Variants in PTPRN2 observed in about 807,000 individuals in gnomAD.
The protein encoded by PTPRN2 is protein tyrosine phosphatase receptor type N2.
A neutral mutation model predicts 118.8 loss-of-function variants in PTPRN2; 74 were observed. The observed-to-expected ratio is 0.62, with a 90% confidence interval of 0.52 to 0.76. The LOEUF is 0.76. Ranked by LOEUF, PTPRN2 falls within the 30% of genes least tolerant of loss-of-function variation. The probability of loss-of-function intolerance (pLI) is 0.00; values close to 1 mark genes in which losing one functional copy is unlikely to be tolerated. For missense variants in PTPRN2, 1,481 were observed against 1,394.4 expected, an observed-to-expected ratio of 1.06 and a Z score of -0.99; for synonymous variants, 641 against 608.0, an observed-to-expected ratio of 1.05 and a Z score of -0.80.
At chr7:158,191,011 G>A (rs544172846) in intron 5 of PTPRN2, among the ~76,000 whole-genome samples, 31 of 152,376 alleles carry the variant, frequency 2.0e-4, no homozygotes, top group Non-Finnish European at 3.7e-4. Context: ...TGCACAGAAC[G>A]TGCCACCTTG....
At chr7:158,068,465 C>G (rs1810958590) in intron 11 of PTPRN2, among the ~76,000 whole-genome samples, 1 of 152,166 alleles carries the variant, frequency 6.6e-6, no homozygotes, top group Admixed American at 6.5e-5. Context: ...CACTCGGCAC[C>G]ACCTTTGCAC....
Position 157,874,848 on chromosome 7 carries a change from T to TACACACGGAGACACACTCGTGCACATAC in PTPRN2, c.1788+23797_1788+23824dup, listed in dbSNP as rs1385642932. On this transcript the variant is annotated intron_variant, in intron 12 of 22. Transcript: ENST00000389418. The surrounding 1 kb of genome is among the most constrained non-coding windows in gnomAD (Gnocchi z 5.8). ...ACACAGAGACACACTCATGCACATA[T>TACACACGGAGACACACTCGTGCACATAC]ACACACGGAGACACACTCGTGCACA... Among the ~76,000 whole-genome samples, 3 of 142,254 alleles carry TACACACGGAGACACACTCGTGCACATAC rather than the reference T, an allele frequency of 2.1e-5. No homozygotes were observed. Among genetic ancestry groups the TACACACGGAGACACACTCGTGCACATAC allele is most frequent in the African/African-American group, 7.9e-5 (3 of 37,776 alleles). 93.3% of individuals were successfully genotyped at this position (142,254 alleles called of 152,430 possible).
chr7:158,092,286 A>G (rs1167667520), intron 10 of PTPRN2, among the ~76,000 whole-genome samples: 2 of 132,848 alleles, frequency 1.5e-5, no homozygotes, highest in East Asian at 2.5e-4. Context: ...GTGTGTGTGT[A>G]TATATATGTA....
At chr7:158,125,139 C>A (rs1044599888) in intron 9 of PTPRN2, among the ~76,000 whole-genome samples, 1 of 152,114 alleles carries the variant, frequency 6.6e-6, no homozygotes, top group African/African-American at 2.4e-5. Context: ...ACCATGGCCA[C>A]CCCCCTGCCT....
intron 2 of PTPRN2, among the ~76,000 whole-genome samples, chr7:158,386,705 T>A (rs1811413108): frequency 6.6e-6 from 1 of 152,210 alleles, no homozygotes; most frequent in South Asian, 2.1e-4. Context: ...CAAATGTAGA[T>A]GTACAACCTA....
rs189364786 is a variant in PTPRN2, at chr7:158,555,461, G to A, written c.112+32097C>T. On this transcript the variant is annotated intron_variant, in intron 1 of 22. Transcript: ENST00000389418. This position sits in a 1 kb window ranked among gnomAD's most constrained non-coding sequence, Gnocchi z 4.7. ...GAAACCTCCCAACACTGACGTCACC[G>A]GGGTGGGGCAGGAGCAGGAAGAGGC... Among the ~76,000 whole-genome samples, 1 of 152,168 alleles carries A rather than the reference G, an allele frequency of 6.6e-6. No individual in the cohort carries two copies. The highest frequency in any genetic ancestry group is 2.4e-5 in the African/African-American group (1 of 41,456).
At chr7:158,020,996 T>G (rs571011385) in intron 11 of PTPRN2, among the ~76,000 whole-genome samples, 1 of 152,274 alleles carries the variant, frequency 6.6e-6, no homozygotes, top group Non-Finnish European at 1.5e-5. Context: ...TTAAATTCCC[T>G]CTACCACCCT....
intron 11 of PTPRN2, among the ~76,000 whole-genome samples, chr7:157,940,407 C>G (rs545461138): frequency 6.6e-6 from 1 of 152,122 alleles, no homozygotes; most frequent in Non-Finnish European, 1.5e-5. Context: ...AATGAAGAAG[C>G]CTAGAAATTC....
At chr7:157,545,103 GGTGT>G (rs1232257607) in intron 22 of PTPRN2, among the ~76,000 whole-genome samples, 27 of 148,764 alleles carry the variant, frequency 1.8e-4, no homozygotes, top group African/African-American at 6.5e-4. Flanking sequence ...CCCGTGGGTG[GGTGT>G]GTAGGTGTGT....
At chr7:157,605,189 C>T (rs1018943643) in intron 15 of PTPRN2, among the ~76,000 whole-genome samples, 15 of 152,220 alleles carry the variant, frequency 9.9e-5, no homozygotes, top group Non-Finnish European at 2.9e-5. Flanking sequence ...GTGAGGAGCA[C>T]GGGGTCTGGC....
At chr7:158,352,155 TGCTCCCCTCCTGACC>T (rs1563190825) in intron 2 of PTPRN2, among the ~76,000 whole-genome samples, 35 of 980 alleles carry the variant, frequency 0.036, 13 homozygotes, top group African/African-American at 0.055. Flanking sequence ...CCCTCCTGAC[TGCTCCCCTCCTGACC>T]GCTCCCCTCC....
chr7:157,733,504 T>G (rs1191288321), intron 12 of PTPRN2, among the ~76,000 whole-genome samples: 3 of 36,432 alleles, frequency 8.2e-5, no homozygotes, highest in South Asian at 1.0e-3. Flanking sequence ...TTCCGTCCCA[T>G]GCGCCCAGCA....
intron 2 of PTPRN2, among the ~76,000 whole-genome samples, chr7:158,381,843 A>G (rs570123171): frequency 1.0e-3 from 159 of 152,348 alleles, no homozygotes; most frequent in African/African-American, 3.5e-3. Context: ...CTTACATGGC[A>G]GCAGGTAAGA....
chr7:157,545,034 A>T (rs1161236977), intron 22 of PTPRN2, among the ~76,000 whole-genome samples: 1 of 122,708 alleles, frequency 8.1e-6, no homozygotes, highest in South Asian at 2.7e-4. Flanking sequence ...CACTGTGTGT[A>T]CACCTGTGGA....
intron 2 of PTPRN2, among the ~76,000 whole-genome samples, chr7:158,334,656 G>C (rs1346783658): frequency 1.4e-5 from 1 of 73,972 alleles, no homozygotes. Context: ...CACCATAATT[G>C]GTGACACCTG....
intron 11 of PTPRN2, among the ~76,000 whole-genome samples, chr7:157,999,999 G>A (rs570659666): frequency 1.3e-5 from 2 of 152,132 alleles, no homozygotes; most frequent in South Asian, 4.2e-4. Flanking sequence ...TGATTCTGAT[G>A]CCTCAGCCTC....
chr7:157,772,859 C>T (rs983391779), intron 12 of PTPRN2, among the ~76,000 whole-genome samples: 5 of 152,370 alleles, frequency 3.3e-5, no homozygotes, highest in African/African-American at 9.6e-5. Flanking sequence ...CCATGTGCTG[C>T]TAGGCCACGG....
intron 12 of PTPRN2, among the ~76,000 whole-genome samples, chr7:157,713,845 C>T (rs185219849): frequency 2.0e-5 from 3 of 152,354 alleles, no homozygotes; most frequent in African/African-American, 4.8e-5. Context: ...AAGCAGCTCT[C>T]GTGGGCTGTG....
chr7:157,957,331 G>A (rs996752051), intron 11 of PTPRN2, among the ~76,000 whole-genome samples: 1 of 152,160 alleles, frequency 6.6e-6, no homozygotes, highest in African/African-American at 2.4e-5. Context: ...TAGGACTTAA[G>A]TATTAATCCC....
Sources: gnomAD v4.1 joint callset for allele counts (sites outside exome capture counted in the v4.1 genomes callset) on GRCh38, gnomAD v4.1.1 for gene constraint, Gnocchi (gnomAD v3.1) non-coding constraint, MANE v1.5 for transcripts, NCBI Gene and HGNC (gene_info 2026-07-23, HGNC 2026-07-21) for gene names.